TTF1: variants seen among roughly 807,000 people sequenced by gnomAD.
TTF1 encodes transcription termination factor, RNA polymerase I.
A neutral mutation model predicts 80.2 loss-of-function variants in TTF1; 64 were observed. The observed-to-expected ratio is 0.80, with a 90% confidence interval of 0.65 to 0.98. TTF1 has a LOEUF of 0.98. Among genes scored for constraint, TTF1 ranks in the 50% least tolerant of loss-of-function variants. The pLI is 0.00. For synonymous variants in TTF1, 372 were observed against 382.7 expected, an observed-to-expected ratio of 0.97 and a Z score of 0.33; for missense variants, 1,023 against 1,086.2, an observed-to-expected ratio of 0.94 and a Z score of 0.82.
At chr9:132,377,361 GTGAGTGCATGTGGTGTGT>G (rs1849213866) in intron 10 of TTF1, among the ~76,000 whole-genome samples, 1 of 146,816 alleles carries the variant, frequency 6.8e-6, no homozygotes, top group African/African-American at 2.6e-5. Context: ...TGTGGTGTGT[GTGAGTGCATGTGGTGTGT>G]GTGAGTGCAT....
intron 9 of TTF1, among the ~76,000 whole-genome samples, chr9:132,385,721 T>G (rs1026082448): frequency 6.6e-6 from 1 of 152,252 alleles, no homozygotes; most frequent in Non-Finnish European, 1.5e-5. Context: ...TACCATGCTA[T>G]CTGAAATGAG....
intron 10 of TTF1, among the ~76,000 whole-genome samples, chr9:132,377,144 T>A (rs1185834352): frequency 1.3e-5 from 2 of 151,568 alleles, no homozygotes; most frequent in Non-Finnish European, 2.9e-5. Flanking sequence ...GTGGTGTGTG[T>A]GAGTGCATGC....
At chr9:132,400,842 T>C (rs1293081781) in intron 2 of TTF1, among the ~76,000 whole-genome samples, 1 of 152,242 alleles carries the variant, frequency 6.6e-6, no homozygotes, top group East Asian at 1.9e-4. Flanking sequence ...TGGGCTTTTA[T>C]ATTTTTCAAA....
chr9:132,394,892 CAA>C (rs1303358774), intron 5 of TTF1, among the ~76,000 whole-genome samples: 25 of 129,224 alleles, frequency 1.9e-4, no homozygotes, highest in South Asian at 2.5e-4. Flanking sequence ...GACCCTGTTC[CAA>C]AAAAAAAAAA....
At chr9:132,398,690 G>C (rs1015693791) in intron 3 of TTF1, among the ~76,000 whole-genome samples, 1 of 152,106 alleles carries the variant, frequency 6.6e-6, no homozygotes, top group Non-Finnish European at 1.5e-5. Flanking sequence ...GAACTCCTGG[G>C]CTCAAGTGAT....
chr9:132,387,290 C>T lies in TTF1; in HGVS notation c.2313-669G>A, dbSNP rs571889199. On this transcript the variant is annotated intron_variant, in intron 8 of 10. Transcript: ENST00000334270. The stretch of plus-strand genomic sequence containing the variant: ...GTGCGCAAATTCATTTACAGTAACC[C>T]TCCCCCCCCAATCTACAGACAGGGA... Among the ~76,000 whole-genome samples, 5 of 152,196 alleles carry T rather than the reference C, an allele frequency of 3.3e-5. No homozygotes were observed. In the East Asian group the frequency reaches 5.8e-4, roughly 18 times the overall value.
rs2297424 is a variant in TTF1, at chr9:132,398,090, T to C, written c.1777+51A>G. On this transcript the variant is annotated intron_variant, in intron 4 of 10. Transcript: ENST00000334270. ...TAACACTTACCATGGGTTATCTTGT[T>C]TATGGCTGGAAGGCTGTGGATGGTC... 62 of 1,473,060 alleles carry C rather than the reference T, an allele frequency of 4.2e-5. No homozygotes were observed. In the East Asian group the frequency reaches 1.4e-3, roughly 34 times the overall value. 91.2% of individuals were successfully genotyped at this position (1,473,060 alleles called of 1,614,324 possible). A position where few individuals can be genotyped will look rare whatever the true frequency, so the allele number is the denominator to read the frequency against.
chr9:132,401,397 T>C (rs66478129), intron 2 of TTF1, 58 bp downstream of exon 2: 93,405 of 1,507,130 alleles, frequency 0.062, 3,109 homozygotes, highest in Middle Eastern at 0.076. Context: ...TAAAGAGGTA[T>C]CGGCAGAATC....
At chr9:132,382,694 G>A (rs1179029996) in intron 9 of TTF1, among the ~76,000 whole-genome samples, 4 of 151,754 alleles carry the variant, frequency 2.6e-5, no homozygotes, top group Non-Finnish European at 4.4e-5. Context: ...CACTTTGAGA[G>A]GGATTAAGGC....
At chr9:132,394,730 T>C (rs1182131212) in intron 5 of TTF1, among the ~76,000 whole-genome samples, 1 of 150,966 alleles carries the variant, frequency 6.6e-6, no homozygotes, top group East Asian at 2.0e-4. Context: ...TCATCTCCAC[T>C]AAAAATATAA....
chr9:132,380,137 T>C (rs1489801749), intron 9 of TTF1, among the ~76,000 whole-genome samples: 1 of 152,124 alleles, frequency 6.6e-6, no homozygotes, highest in Non-Finnish European at 1.5e-5. Flanking sequence ...AGGCACATTC[T>C]CAGTTCACTG....
intron 2 of TTF1, among the ~76,000 whole-genome samples, 178 bp downstream of exon 2, chr9:132,401,277 G>A (rs1464060301): frequency 1.3e-5 from 2 of 152,136 alleles, no homozygotes; most frequent in East Asian, 3.9e-4. Flanking sequence ...GGTAAGCCGA[G>A]ATTGCACCAT....
chr9:132,392,957 G>C (rs1010357759), intron 5 of TTF1, among the ~76,000 whole-genome samples: 1 of 152,100 alleles, frequency 6.6e-6, no homozygotes, highest in Non-Finnish European at 1.5e-5. Context: ...TTCATCTTGA[G>C]CCTTCAAAAC....
At chr9:132,388,579 G>A (rs1308584353) in intron 7 of TTF1, among the ~76,000 whole-genome samples, 1 of 152,106 alleles carries the variant, frequency 6.6e-6, no homozygotes, top group Non-Finnish European at 1.5e-5. Flanking sequence ...GGCCTCAAGT[G>A]ATCCACCTGC....
rs751960734 is a variant in TTF1, at chr9:132,390,689, T to A, written c.2130A>T (p.Ser710=). 1 of 1,614,254 alleles carries A rather than the reference T, an allele frequency of 6.2e-7. No individual in the cohort carries two copies. The highest frequency in any genetic ancestry group is 1.1e-5 in the South Asian group (1 of 91,088). The stretch of plus-strand genomic sequence containing the variant: ...CCTTGTAGAGTTTTTCCCGAACAAT[T>A]GATAGGCAACTTTCAGGATTTTCTT... The part of the protein sequence containing the change: ...KLQENPESCL[S]IVREKLYKGI... Residue 710 remains serine, a synonymous_variant, in exon 7 of 11, where the codon TCA becomes TCT. Transcript: ENST00000334270.
intron 7 of TTF1, among the ~76,000 whole-genome samples, chr9:132,389,492 T>C (rs1849524887): frequency 6.6e-6 from 1 of 152,134 alleles, no homozygotes; most frequent in South Asian, 2.1e-4. Flanking sequence ...TCACTCTTCC[T>C]TCTTTTAGCT....
chr9:132,389,105 C>T (rs1434249383), intron 7 of TTF1, among the ~76,000 whole-genome samples: 1 of 151,742 alleles, frequency 6.6e-6, no homozygotes, highest in African/African-American at 2.4e-5. Context: ...TGAACCAGTA[C>T]TACCCTTAAT....
chr9:132,390,911 G>A (rs1489556672), intron 6 of TTF1, 80 bp from the exon 7 acceptor site: 52 of 1,359,376 alleles, frequency 3.8e-5, no homozygotes, highest in Non-Finnish European at 4.8e-5. Flanking sequence ...ATGATAAATC[G>A]GGTACTTTTC....
rs1196354463 is a variant in TTF1 at position 132,384,384 on chromosome 9, G to A, written c.2378+2172C>T. Among the ~76,000 whole-genome samples the A allele has an allele frequency of 6.6e-6, 1 of 152,176 alleles. No individual in the cohort carries two copies. Among genetic ancestry groups the A allele is most frequent in the Non-Finnish European group, 1.5e-5 (1 of 68,032 alleles). ...TCAAAGAGAGCTGAAGGGAGGGCGT[G>A]ATAAAGAGCTGACATTAGAATAATC... On this transcript the variant is annotated intron_variant, in intron 9 of 10. Coordinates refer to ENST00000334270, the MANE Select transcript of TTF1 (RefSeq NM_007344.4). This position sits in a 1 kb window ranked among gnomAD's most constrained non-coding sequence, Gnocchi z 4.1.
Sources: gnomAD v4.1 joint callset for allele counts (sites outside exome capture counted in the v4.1 genomes callset) on GRCh38, gnomAD v4.1.1 for gene constraint, Gnocchi (gnomAD v3.1) non-coding constraint, MANE v1.5 for transcripts, NCBI Gene and HGNC (gene_info 2026-07-23, HGNC 2026-07-21) for gene names.